DCHS2: variants seen among roughly 807,000 people sequenced by gnomAD.
DCHS2 encodes the protein protocadherin-23.
DCHS2 carries 142 observed loss-of-function variants against 182.4 expected under a neutral mutation model. That is an observed-to-expected ratio of 0.78 (90% CI 0.68 to 0.89). The LOEUF is 0.89. Among genes scored for constraint, DCHS2 ranks in the 40% least tolerant of loss-of-function variants. The pLI, the probability that DCHS2 is intolerant of heterozygous loss-of-function variation, is 0.00. For missense variants in DCHS2, 4,319 were observed against 4,198.6 expected (o/e 1.03, Z -0.79); for synonymous variants, 1,740 against 1,663.3 (o/e 1.05, Z -1.12).
intron 7 of DCHS2, among the ~76,000 whole-genome samples, chr4:154,327,160 T>C (rs1027575335): frequency 6.6e-6 from 1 of 152,138 alleles, no homozygotes; most frequent in Admixed American, 6.5e-5. Context: ...GTTTGTACAG[T>C]TTGAGAGGCA....
At chr4:154,341,094 C>T (rs1245316992) in intron 3 of DCHS2, among the ~76,000 whole-genome samples, 1 of 152,062 alleles carries the variant, frequency 6.6e-6, no homozygotes, top group Non-Finnish European at 1.5e-5. Context: ...TTCGCCCGGG[C>T]GCGGTGGCTC....
intron 15 of DCHS2, among the ~76,000 whole-genome samples, chr4:154,258,528 C>T (rs1732814266): frequency 6.6e-6 from 1 of 151,918 alleles, no homozygotes; most frequent in Non-Finnish European, 1.5e-5. Context: ...CAGGTGCCCA[C>T]CACCACACCA....
chr4:154,297,251 A>G (rs1263329869), intron 13 of DCHS2, among the ~76,000 whole-genome samples: 1 of 152,144 alleles, frequency 6.6e-6, no homozygotes, highest in African/African-American at 2.4e-5. Context: ...TTCCTGTTAC[A>G]CCTGCAACTT....
At chr4:154,332,454 T>G in intron 5 of DCHS2, 24 bp downstream of exon 5, 1 of 1,566,502 alleles carries the variant, frequency 6.4e-7, no homozygotes, top group South Asian at 1.2e-5. Flanking sequence ...TTTAAAGGAA[T>G]AGGTGGAAAC....
intron 8 of DCHS2, among the ~76,000 whole-genome samples, chr4:154,321,895 AG>A (rs1736073833): frequency 6.6e-6 from 1 of 152,136 alleles, no homozygotes; most frequent in Non-Finnish European, 1.5e-5. Context: ...ATTAAAGTAA[AG>A]CCTTAAAATA....
At chr4:154,260,603 C>G (rs1732943520) in intron 14 of DCHS2, among the ~76,000 whole-genome samples, 1 of 152,196 alleles carries the variant, frequency 6.6e-6, no homozygotes, top group Non-Finnish European at 1.5e-5. Context: ...TTCCATCAGC[C>G]TGGAATGGCT....
At position 154,321,132 on chromosome 4, in the gene DCHS2, T is replaced by C; in HGVS notation, c.4267A>G (p.Ser1423Gly). 3.1e-6 allele frequency: 5 copies of C among 1,596,918 alleles called. No individual in the cohort carries two copies. The highest frequency in any genetic ancestry group is 1.7e-4 in the Middle Eastern group (1 of 5,952). Reference protein sequence around the residue: ...PENLKPTKIMSLIKSSDHLQQ... With the variant: ...PENLKPTKIMGLIKSSDHLQQ... ...AGGTGATCAGATGACTTTATCAAGC[T>C]CATTATTTTTGTGGGCTTCAAATTT... is the stretch of plus-strand genomic sequence containing the variant. The change falls in exon 9 of 20, where the codon AGC (serine) becomes GGC (glycine). Residue 1423 changes from serine (S) to glycine (G), a missense_variant. Ser to Gly is a moderately conservative substitution (Grantham distance 56, BLOSUM62 0). Transcript: ENST00000357232.
chr4:154,376,548 G>A (rs1332080575), intron 2 of DCHS2, among the ~76,000 whole-genome samples: 1 of 152,140 alleles, frequency 6.6e-6, no homozygotes, highest in Non-Finnish European at 1.5e-5. Flanking sequence ...GTTGTTGTGA[G>A]AACATTTTCC....
intron 1 of DCHS2, among the ~76,000 whole-genome samples, chr4:154,392,759 T>C (rs1731765650): frequency 6.6e-6 from 1 of 152,212 alleles, no homozygotes; most frequent in African/African-American, 2.4e-5. Flanking sequence ...AACATACTAT[T>C]TAGGGGACTT....
chr4:154,255,906 C>T (rs1732643136), intron 15 of DCHS2, among the ~76,000 whole-genome samples: 2 of 152,136 alleles, frequency 1.3e-5, no homozygotes, highest in Non-Finnish European at 2.9e-5. Context: ...AGACATGGTA[C>T]ATGTTTTTGA....
rs1393333129 is a variant in DCHS2 at position 154,232,729 on chromosome 4, G to A, written c.*1807C>T. The stretch of plus-strand genomic sequence containing the variant: ...GGAACACATAAATGATTAAATATGT[G>A]TGGGTTTTTTTTTTACATAAGTCAT... On this transcript the variant is annotated 3_prime_UTR_variant, in exon 20 of 20. Transcript: ENST00000357232. 1 of 148,782 alleles carries A rather than the reference G, an allele frequency of 6.7e-6. No homozygotes were observed. The highest frequency in any genetic ancestry group is 1.5e-5 in the Non-Finnish European group (1 of 67,922). 9.2% of individuals were successfully genotyped at this position (148,782 alleles called of 1,614,324 possible).
At chr4:154,327,423 C>A (rs779447783) in intron 7 of DCHS2, among the ~76,000 whole-genome samples, 5 of 152,156 alleles carry the variant, frequency 3.3e-5, no homozygotes, top group Non-Finnish European at 7.4e-5. Context: ...CCTATAGCAT[C>A]TCTTGGGTTT....
intron 7 of DCHS2, among the ~76,000 whole-genome samples, chr4:154,326,260 T>A (rs1024870839): frequency 2.0e-5 from 3 of 152,226 alleles, no homozygotes; most frequent in Non-Finnish European, 4.4e-5. Flanking sequence ...AGTTGTCTGT[T>A]AACATTCTTT....
At chr4:154,251,483 A>C (rs957647377) in intron 16 of DCHS2, among the ~76,000 whole-genome samples, 1 of 152,132 alleles carries the variant, frequency 6.6e-6, no homozygotes, top group Non-Finnish European at 1.5e-5. Context: ...GTGATTATTA[A>C]TGTGCCTTCT....
chr4:154,289,266 T>G (rs11099948), intron 13 of DCHS2, among the ~76,000 whole-genome samples: 1 of 151,748 alleles, frequency 6.6e-6, no homozygotes, highest in Non-Finnish European at 1.5e-5. Context: ...TTCCGACAGA[T>G]ACTACATAAA....
intron 3 of DCHS2, among the ~76,000 whole-genome samples, chr4:154,354,977 A>G (rs1729792419): frequency 6.6e-6 from 1 of 152,136 alleles, no homozygotes; most frequent in South Asian, 2.1e-4. Context: ...TGCCTTCCAC[A>G]GCTGCCATCA....
chr4:154,410,470 C>CAAAAAA (rs61280673), intron 1 of DCHS2, among the ~76,000 whole-genome samples: 1 of 70,356 alleles, frequency 1.4e-5, no homozygotes, highest in African/African-American at 5.2e-5. Flanking sequence ...ACCCAGAGGG[C>CAAAAAA]AAAAAAAAAA....
intron 16 of DCHS2, among the ~76,000 whole-genome samples, chr4:154,248,138 C>T (rs1299022094): frequency 6.6e-6 from 1 of 151,988 alleles, no homozygotes; most frequent in Non-Finnish European, 1.5e-5. Context: ...ATAGATATAG[C>T]CAATTGGGCA....
At chr4:154,463,040 C>T (rs944027476) in intron 1 of DCHS2, among the ~76,000 whole-genome samples, 1 of 151,708 alleles carries the variant, frequency 6.6e-6, no homozygotes, top group Non-Finnish European at 1.5e-5. Context: ...CAACCCCATT[C>T]CTCAATTTCC....
Sources: allele counts gnomAD v4.1 joint callset (sites outside exome capture counted in the v4.1 genomes callset), GRCh38; gene constraint gnomAD v4.1.1; transcripts MANE v1.5; gene names NCBI Gene and HGNC (gene_info 2026-07-23, HGNC 2026-07-21).